DIAPH2: variants seen among roughly 807,000 people sequenced by gnomAD.
DIAPH2 encodes protein diaphanous homolog 2.
In DIAPH2, 35 loss-of-function variants were observed where a neutral mutation model predicts 92.7. The observed-to-expected ratio is 0.38, with a 90% confidence interval of 0.29 to 0.50. The LOEUF is 0.50. Among genes scored for constraint, DIAPH2 ranks in the 20% least tolerant of loss-of-function variants. The pLI, the probability that DIAPH2 is intolerant of heterozygous loss-of-function variation, is 0.94. For missense variants in DIAPH2, 701 were observed against 819.5 expected (o/e 0.86, Z 1.77); for synonymous variants, 301 against 280.4 (o/e 1.07, Z -0.73).
At chrX:97,277,138 A>G (rs1275835913) in intron 23 of DIAPH2, among the ~76,000 whole-genome samples, 1 of 111,886 alleles carries the variant, frequency 8.9e-6, no homozygotes, top group African/African-American at 3.2e-5. Flanking sequence ...GGAGTTTGAG[A>G]CCAGTCTGGC....
chrX:96,918,684 A>C (rs2065521363), intron 9 of DIAPH2, 67 bp downstream of exon 9: 3 of 776,358 alleles, frequency 3.9e-6, no homozygotes, highest in South Asian at 5.3e-5. Context: ...TATGACATCA[A>C]CTCCATTTTA....
chrX:97,096,567 G>A (rs1011911221), intron 19 of DIAPH2, among the ~76,000 whole-genome samples: 18 of 111,831 alleles, frequency 1.6e-4, no homozygotes, highest in Non-Finnish European at 2.6e-4. Flanking sequence ...TGTGTGGGAA[G>A]AGGGGAGGAG....
At chrX:96,876,205 A>G (rs1416130363) in intron 4 of DIAPH2, among the ~76,000 whole-genome samples, 2 of 111,319 alleles carry the variant, frequency 1.8e-5, no homozygotes, top group Non-Finnish European at 3.8e-5. Flanking sequence ...CAAAACCACA[A>G]TGAGATACCA....
intron 7 of DIAPH2, among the ~76,000 whole-genome samples, chrX:96,914,605 C>T (rs2065490830): frequency 9.1e-6 from 1 of 110,116 alleles, no homozygotes; most frequent in African/African-American, 3.3e-5. Flanking sequence ...TTTCAGGATG[C>T]TAAGTAATTT....
intron 4 of DIAPH2, among the ~76,000 whole-genome samples, chrX:96,759,692 G>A (rs1444388751): frequency 9.0e-6 from 1 of 111,582 alleles, no homozygotes; most frequent in Non-Finnish European, 1.9e-5. Context: ...GAATAATCAT[G>A]TGGTGGTTTT....
intron 23 of DIAPH2, among the ~76,000 whole-genome samples, chrX:97,306,486 T>G (rs1300984714): frequency 1.8e-5 from 2 of 111,896 alleles, no homozygotes; most frequent in Admixed American, 9.6e-5. Context: ...CAGGAAGAAT[T>G]TCTGCAATCT....
At chrX:97,014,583 G>A (rs1479933027) in intron 17 of DIAPH2, among the ~76,000 whole-genome samples, 1 of 111,792 alleles carries the variant, frequency 8.9e-6, no homozygotes, top group Non-Finnish European at 1.9e-5. Context: ...AGCTTCTACT[G>A]CTCTGAGAAC....
chrX:97,438,359 GT>G (rs1238654436), intron 26 of DIAPH2, among the ~76,000 whole-genome samples: 90 of 34,573 alleles, frequency 2.6e-3, no homozygotes, highest in African/African-American at 0.01. Context: ...TTGTTTGTTT[GT>G]TTTTTTTTTT....
At chrX:96,842,739 T>A (rs927801828) in intron 4 of DIAPH2, among the ~76,000 whole-genome samples, 14 of 110,999 alleles carry the variant, frequency 1.3e-4, no homozygotes, top group Non-Finnish European at 2.6e-4. Context: ...AATCCAGGTA[T>A]GACTGAAGAG....
Position 97,552,124 on chromosome X carries a change from G to T in DIAPH2, c.3242-47129G>T, listed in dbSNP as rs146341649. 1.5e-4 allele frequency among the ~76,000 whole-genome samples: 17 copies of T among 111,548 alleles called. No individual in the cohort carries two copies. In the East Asian group the frequency reaches 4.8e-3, roughly 31 times the overall value. ...GAAGTTGGTGAACTAGATGATCTTC[G>T]CATTATCTCCTAAGTTGTAAACTCA... is the stretch of plus-strand genomic sequence containing the variant. On this transcript the variant is annotated intron_variant, in intron 26 of 26. Coordinates refer to ENST00000324765, the MANE Select transcript of DIAPH2 (RefSeq NM_006729.5).
At chrX:96,774,064 G>A (rs957703893) in intron 4 of DIAPH2, among the ~76,000 whole-genome samples, 15 of 111,661 alleles carry the variant, frequency 1.3e-4, no homozygotes, top group Non-Finnish European at 2.6e-4. Flanking sequence ...GCCAAGAACC[G>A]TGCTAGGCAA....
rs773957491 is a variant in DIAPH2, at chrX:97,153,309, G to A, written c.2719+11515G>A. Among the ~76,000 whole-genome samples, 343 of 111,581 alleles carry A rather than the reference G, an allele frequency of 3.1e-3. 1 individual carries two copies. The highest frequency in any genetic ancestry group is 5.8e-3 in the Non-Finnish European group (309 of 53,146). On this transcript the variant is annotated intron_variant, in intron 22 of 26. Transcript: ENST00000324765. ...TTAAAAAATGAAGGTCAGACCAGGC[G>A]CTGTGGCTCACACCTGTAATCCCAG... is the stretch of plus-strand genomic sequence containing the variant.
intron 26 of DIAPH2, among the ~76,000 whole-genome samples, chrX:97,573,379 A>G (rs1213776871): frequency 1.8e-5 from 2 of 111,375 alleles, no homozygotes; most frequent in Non-Finnish European, 3.8e-5. Context: ...AGCTCTGTGC[A>G]TGTATGTTGG....
rs146593047 is a variant in DIAPH2, at chrX:96,907,404, C to T, written c.588-4924C>T. On this transcript the variant is annotated intron_variant, in intron 5 of 26. Coordinates refer to ENST00000324765, the MANE Select transcript of DIAPH2 (RefSeq NM_006729.5). ...GTAGATATAAACCGTTCTGTAACAC[C>T]ACTAATTCTTCTTAAGCAAGGTATT... Among the ~76,000 whole-genome samples, 143 of 112,182 alleles carry T rather than the reference C, an allele frequency of 1.3e-3. 4 individuals are homozygous for T. The East Asian group carries it at 0.035, about 28-fold the overall frequency.
intron 17 of DIAPH2, among the ~76,000 whole-genome samples, chrX:97,054,218 G>A (rs746913169): frequency 1.4e-4 from 16 of 112,075 alleles, no homozygotes; most frequent in Non-Finnish European, 2.4e-4. Context: ...GTTAGATTAG[G>A]ATACAATTTA....
intron 22 of DIAPH2, among the ~76,000 whole-genome samples, chrX:97,142,663 A>T (rs751292809): frequency 4.2e-4 from 47 of 112,052 alleles, no homozygotes; most frequent in African/African-American, 1.5e-3. Context: ...CTTTTGCAAG[A>T]GGTTGAAAAG....
At chrX:96,791,179 A>G (rs1401246294) in intron 4 of DIAPH2, among the ~76,000 whole-genome samples, 1 of 111,836 alleles carries the variant, frequency 8.9e-6, no homozygotes, top group Admixed American at 9.5e-5. Context: ...GGGTACAACA[A>G]CAGAGAACTA....
intron 22 of DIAPH2, among the ~76,000 whole-genome samples, chrX:97,142,431 G>A (rs973131087): frequency 1.8e-5 from 2 of 111,409 alleles, no homozygotes; most frequent in Admixed American, 1.9e-4. Flanking sequence ...TTTAGGACAA[G>A]TGAAGGGAAT....
chrX:96,769,942 AACCCCAGC>A (rs2064327771), intron 4 of DIAPH2, among the ~76,000 whole-genome samples: 1 of 112,190 alleles, frequency 8.9e-6, no homozygotes, highest in Admixed American at 9.4e-5. Flanking sequence ...TCACGCTTGT[AACCCCAGC>A]ACTTTGGGAG....
Sources: gnomAD v4.1 joint callset for allele counts (sites outside exome capture counted in the v4.1 genomes callset) on GRCh38, gnomAD v4.1.1 for gene constraint, MANE v1.5 for transcripts, NCBI Gene and HGNC (gene_info 2026-07-23, HGNC 2026-07-21) for gene names.